MED27: variants seen among roughly 807,000 people sequenced by gnomAD.
The protein encoded by MED27 is mediator of RNA polymerase II transcription subunit 27.
MED27 carries 30 observed loss-of-function variants against 38.2 expected under a neutral mutation model. The ratio of observed to expected loss-of-function variants is 0.79; its 90% confidence interval spans 0.59 to 1.07. MED27 has a LOEUF of 1.07. Among genes scored for constraint, MED27 ranks in the 50% least tolerant of loss-of-function variants. The pLI is 0.00. For synonymous variants in MED27, 122 were observed against 153.5 expected, an observed-to-expected ratio of 0.79 and a Z score of 1.52; for missense variants, 289 against 397.5, an observed-to-expected ratio of 0.73 and a Z score of 2.32.
chr9:131,927,674 G>A lies in MED27; in HGVS notation c.573+11707C>T, dbSNP rs544758432. ...GGTGACTACTCCTAAGGTTCTGATT[G>A]GCCCCGAAGCCCTGGTGCTTCCAGG... On this transcript the variant is annotated intron_variant, in intron 4 of 7. Coordinates refer to ENST00000292035, the MANE Select transcript of MED27 (RefSeq NM_004269.4). 7.2e-5 allele frequency among the ~76,000 whole-genome samples: 11 copies of A among 152,232 alleles called. No individual in the cohort carries two copies. In the South Asian group the frequency reaches 2.1e-3, roughly 29 times the overall value.
chr9:132,053,346 G>A (rs1388914051), intron 2 of MED27, among the ~76,000 whole-genome samples: 1 of 152,010 alleles, frequency 6.6e-6, no homozygotes, highest in East Asian at 1.9e-4. Context: ...AAAATAATGG[G>A]GTACGGAGGT....
intron 6 of MED27, among the ~76,000 whole-genome samples, chr9:131,865,769 A>C (rs1286329432): frequency 6.6e-6 from 1 of 152,136 alleles, no homozygotes; most frequent in Non-Finnish European, 1.5e-5. Context: ...CTGCACTTTT[A>C]TTTCTTTTGT....
Position 131,883,892 on chromosome 9 carries a change from G to GT in MED27, c.723+165dup, listed in dbSNP as rs1411304254. The GT allele has an allele frequency of 1.1e-5, 7 of 613,526 alleles. No homozygotes were observed. Among genetic ancestry groups the GT allele is most frequent in the Admixed American group, 3.3e-5 (1 of 29,986 alleles). 38.0% of individuals were successfully genotyped at this position (613,526 alleles called of 1,614,324 possible). A position where few individuals can be genotyped will look rare whatever the true frequency, so the allele number is the denominator to read the frequency against. ...ATCTGATTTCTGTCCCTAAGGTTTTGTTTTTTTCCAGAATGTCATACATAT... is the reference window on the plus strand; with the variant it reads ...ATCTGATTTCTGTCCCTAAGGTTTTGTTTTTTTTCCAGAATGTCATACATAT... On this transcript the variant is annotated intron_variant, in intron 6 of 7. Coordinates refer to ENST00000292035, the MANE Select transcript of MED27 (RefSeq NM_004269.4). This position sits in a 1 kb window ranked among gnomAD's most constrained non-coding sequence, Gnocchi z 4.2.
intron 2 of MED27, among the ~76,000 whole-genome samples, chr9:132,021,172 T>C (rs1832709888): frequency 6.6e-6 from 1 of 152,230 alleles, no homozygotes; most frequent in African/African-American, 2.4e-5. Flanking sequence ...ATAGCAGCCC[T>C]TTTCTTTCTT....
chr9:131,865,748 G>A (rs1838727152), intron 6 of MED27, among the ~76,000 whole-genome samples: 1 of 152,206 alleles, frequency 6.6e-6, no homozygotes, highest in African/African-American at 2.4e-5. Context: ...AGGCAGAGAG[G>A]CTTTGTCTGG....
At chr9:132,000,956 C>T (rs960693439) in intron 3 of MED27, among the ~76,000 whole-genome samples, 3 of 152,002 alleles carry the variant, frequency 2.0e-5, no homozygotes, top group South Asian at 2.1e-4. Context: ...AAAAATTAGT[C>T]AGGTGTGGTG....
At chr9:131,949,313 G>C (rs1296820459) in intron 3 of MED27, among the ~76,000 whole-genome samples, 1 of 152,210 alleles carries the variant, frequency 6.6e-6, no homozygotes, top group African/African-American at 2.4e-5. Flanking sequence ...TCTGCTAGAG[G>C]AGGGAGAGTG....
At position 131,982,030 on chromosome 9, in the gene MED27, C is replaced by T. The variant is rs1251489473; in HGVS notation, c.479+32307G>A. On this transcript the variant is annotated intron_variant, in intron 3 of 7. Coordinates refer to ENST00000292035, the MANE Select transcript of MED27 (RefSeq NM_004269.4). This position sits in a 1 kb window ranked among gnomAD's most constrained non-coding sequence, Gnocchi z 4.3. ...GCAGTAGCAGAAGTGGTAGATACCA[C>T]TTATCATGCACTTCCCATGTTCTTC... is the stretch of plus-strand genomic sequence containing the variant. 1.3e-5 allele frequency among the ~76,000 whole-genome samples: 2 copies of T among 152,202 alleles called. No individual in the cohort carries two copies.
intron 2 of MED27, among the ~76,000 whole-genome samples, chr9:132,057,777 G>A (rs778671927): frequency 7.2e-5 from 11 of 152,098 alleles, no homozygotes; most frequent in Non-Finnish European, 1.3e-4. Flanking sequence ...CTCACAAATT[G>A]TCAATGCCCC....
intron 3 of MED27, among the ~76,000 whole-genome samples, chr9:131,951,075 ACT>A (rs1830986378): frequency 6.6e-6 from 1 of 152,182 alleles, no homozygotes; most frequent in Non-Finnish European, 1.5e-5. Flanking sequence ...ACGGAAAGTA[ACT>A]CACACAAAAA....
chr9:131,990,098 G>A (rs1163494030), intron 3 of MED27, among the ~76,000 whole-genome samples: 1 of 151,996 alleles, frequency 6.6e-6, no homozygotes, highest in Non-Finnish European at 1.5e-5. Flanking sequence ...CTTCCCAGAC[G>A]GTGCTTCCCT....
intron 3 of MED27, among the ~76,000 whole-genome samples, chr9:131,959,020 C>T (rs909306833): frequency 6.6e-6 from 1 of 152,216 alleles, no homozygotes; most frequent in African/African-American, 2.4e-5. Context: ...TAAACCTGTA[C>T]ATTACTACTG....
intron 4 of MED27, among the ~76,000 whole-genome samples, chr9:131,934,232 T>G (rs982274063): frequency 2.0e-5 from 3 of 152,128 alleles, no homozygotes; most frequent in Non-Finnish European, 4.4e-5. Flanking sequence ...ATGTCTTGAG[T>G]AACATCCCAT....
intron 3 of MED27, among the ~76,000 whole-genome samples, chr9:131,971,061 A>G (rs773262267): frequency 9.9e-5 from 15 of 152,242 alleles, no homozygotes; most frequent in Non-Finnish European, 2.1e-4. Flanking sequence ...TTGCTTGAAA[A>G]CATTCCAGTA....
chr9:131,960,544 CTG>C (rs1439241496), intron 3 of MED27, among the ~76,000 whole-genome samples: 3 of 152,170 alleles, frequency 2.0e-5, no homozygotes, highest in African/African-American at 7.2e-5. Flanking sequence ...GTGAATCACA[CTG>C]TGAATGAGTC....
chr9:131,884,026 C>T lies in MED27; in HGVS notation c.723+32G>A, dbSNP rs201297712. ...CAAAGCATTCACGTTTTCCTAATGC[C>T]GCTTGAGTAAGAAGCAAAAAGTAAA... is the stretch of plus-strand genomic sequence containing the variant. On this transcript the variant is annotated intron_variant, in intron 6 of 7. Transcript: ENST00000292035. 17 of 1,595,786 alleles carry T rather than the reference C, an allele frequency of 1.1e-5. No individual in the cohort carries two copies. In the East Asian group the frequency reaches 1.6e-4, roughly 15 times the overall value.
At chr9:131,961,816 G>A (rs1831222857) in intron 3 of MED27, among the ~76,000 whole-genome samples, 1 of 152,148 alleles carries the variant, frequency 6.6e-6, no homozygotes, top group Admixed American at 6.5e-5. Context: ...CTCTCTCTCT[G>A]AAAGATGACA....
intron 6 of MED27, among the ~76,000 whole-genome samples, chr9:131,874,400 C>T (rs999734269): frequency 6.6e-6 from 1 of 152,228 alleles, no homozygotes; most frequent in Non-Finnish European, 1.5e-5. Context: ...TCCATCCTCC[C>T]TGGGCCTAGC....
intron 4 of MED27, among the ~76,000 whole-genome samples, chr9:131,902,344 A>C (rs532713242): frequency 6.6e-6 from 1 of 152,258 alleles, no homozygotes; most frequent in Admixed American, 6.5e-5. Context: ...GGGATGAGGG[A>C]AACTGGCTGT....
Sources: gnomAD v4.1 joint callset for allele counts (sites outside exome capture counted in the v4.1 genomes callset) on GRCh38, gnomAD v4.1.1 for gene constraint, Gnocchi (gnomAD v3.1) non-coding constraint, MANE v1.5 for transcripts, NCBI Gene and HGNC (gene_info 2026-07-23, HGNC 2026-07-21) for gene names.